Variants in IL1RAPL2 observed in about 807,000 individuals in gnomAD.
The protein encoded by IL1RAPL2 is X-linked interleukin-1 receptor accessory protein-like 2.
Under a neutral mutation model 44.1 loss-of-function variants are expected in IL1RAPL2, and 3 were observed. The ratio of observed to expected loss-of-function variants is 0.07; its 90% confidence interval spans 0.03 to 0.18. IL1RAPL2 has a LOEUF of 0.18. Ranked by LOEUF, IL1RAPL2 falls within the 10% of genes least tolerant of loss-of-function variation. The pLI, the probability that IL1RAPL2 is intolerant of heterozygous loss-of-function variation, is 1.00. For synonymous variants in IL1RAPL2, 181 were observed against 178.8 expected (o/e 1.01, Z -0.10); for missense variants, 391 against 496.4 (o/e 0.79, Z 2.02).
At chrX:104,578,227 AG>A (rs1329988209) in intron 1 of IL1RAPL2, among the ~76,000 whole-genome samples, 1 of 111,883 alleles carries the variant, frequency 8.9e-6, no homozygotes, top group Non-Finnish European at 1.9e-5. Flanking sequence ...CAAAAAGATG[AG>A]GGTGGGCACA....
At chrX:105,261,057 A>G (rs1304398527) in intron 4 of IL1RAPL2, among the ~76,000 whole-genome samples, 2 of 111,896 alleles carry the variant, frequency 1.8e-5, no homozygotes, top group Non-Finnish European at 3.8e-5. Flanking sequence ...GTCTCCTCAC[A>G]TGCTTGAGTG....
At chrX:105,358,943 C>T (rs1602375490) in intron 5 of IL1RAPL2, among the ~76,000 whole-genome samples, 2 of 111,816 alleles carry the variant, frequency 1.8e-5, no homozygotes, top group African/African-American at 6.5e-5. Flanking sequence ...GCAGATCTTA[C>T]AGGGAGATCT....
intron 5 of IL1RAPL2, among the ~76,000 whole-genome samples, chrX:105,319,261 C>G (rs1478643282): frequency 2.7e-5 from 3 of 111,934 alleles, no homozygotes; most frequent in African/African-American, 6.5e-5. Flanking sequence ...TTAGCTTCCT[C>G]TAATGCCACA....
chrX:105,015,335 T>G (rs2031152412), intron 2 of IL1RAPL2, among the ~76,000 whole-genome samples: 1 of 111,550 alleles, frequency 9.0e-6, no homozygotes, highest in African/African-American at 3.3e-5. Flanking sequence ...GTTTGTGAAT[T>G]TTGGCTTTTG....
chrX:105,672,042 A>G (rs1376672027), intron 6 of IL1RAPL2, among the ~76,000 whole-genome samples: 2 of 111,523 alleles, frequency 1.8e-5, no homozygotes, highest in African/African-American at 3.3e-5. Context: ...TTCTATTACT[A>G]TACTGAGGCT....
intron 2 of IL1RAPL2, among the ~76,000 whole-genome samples, chrX:104,991,278 A>G (rs2030657902): frequency 8.9e-6 from 1 of 111,776 alleles, no homozygotes; most frequent in African/African-American, 3.3e-5. Context: ...AAGATTTTAT[A>G]CTGTACATGT....
intron 2 of IL1RAPL2, among the ~76,000 whole-genome samples, chrX:104,941,350 C>T (rs938696552): frequency 9.0e-6 from 1 of 111,383 alleles, no homozygotes; most frequent in African/African-American, 3.3e-5. Context: ...TTCTCCACAT[C>T]CTCTCCAGCA....
chrX:105,563,160 C>T (rs2036951598), intron 6 of IL1RAPL2, among the ~76,000 whole-genome samples: 1 of 111,585 alleles, frequency 9.0e-6, no homozygotes, highest in African/African-American at 3.3e-5. Flanking sequence ...ATGTGCCAGC[C>T]ATGTGAATTA....
intron 2 of IL1RAPL2, among the ~76,000 whole-genome samples, chrX:104,766,073 G>A (rs1300157831): frequency 8.9e-6 from 1 of 112,122 alleles, no homozygotes; most frequent in Admixed American, 9.4e-5. Flanking sequence ...TGTCTGCATT[G>A]GCACAGTCAG....
chrX:105,615,217 G>A (rs955966977), intron 6 of IL1RAPL2, among the ~76,000 whole-genome samples: 1 of 111,399 alleles, frequency 9.0e-6, no homozygotes, highest in African/African-American at 3.3e-5. Context: ...AGGAACTCTC[G>A]TCCACTGTTG....
At chrX:105,051,129 G>A (rs1226193397) in intron 2 of IL1RAPL2, among the ~76,000 whole-genome samples, 2 of 112,443 alleles carry the variant, frequency 1.8e-5, no homozygotes, top group Non-Finnish European at 3.8e-5. Flanking sequence ...CTGAATGTGG[G>A]GACCTACTGG....
chrX:105,391,782 TG>T (rs1442453388), intron 5 of IL1RAPL2, among the ~76,000 whole-genome samples: 5 of 68,761 alleles, frequency 7.3e-5, no homozygotes, highest in East Asian at 4.7e-4. Context: ...TAAGAAAATG[TG>T]GCACATATAC....
intron 2 of IL1RAPL2, among the ~76,000 whole-genome samples, chrX:104,910,945 A>C (rs1924216616): frequency 8.9e-6 from 1 of 112,300 alleles, no homozygotes; most frequent in Non-Finnish European, 1.9e-5. Flanking sequence ...ATTAGGAATG[A>C]AAAGGTAATA....
chrX:105,286,983 G>A (rs751315181), intron 5 of IL1RAPL2, among the ~76,000 whole-genome samples: 19 of 111,948 alleles, frequency 1.7e-4, no homozygotes, highest in South Asian at 7.4e-4. Flanking sequence ...TATGATAAGC[G>A]TTGTGCTAAG....
chrX:105,353,983 G>T (rs2035179530), intron 5 of IL1RAPL2, among the ~76,000 whole-genome samples: 2 of 110,872 alleles, frequency 1.8e-5, no homozygotes, highest in Admixed American at 9.7e-5. Flanking sequence ...AATAGGAGTG[G>T]TGAGAGAGGA....
At chrX:105,090,889 C>A (rs924831322) in intron 2 of IL1RAPL2, among the ~76,000 whole-genome samples, 2 of 111,684 alleles carry the variant, frequency 1.8e-5, no homozygotes, top group African/African-American at 6.5e-5. Context: ...ATGATTCTGG[C>A]TCCCTGAATG....
chrX:105,125,128 AAG>A (rs2032962016), intron 2 of IL1RAPL2, among the ~76,000 whole-genome samples: 1 of 110,837 alleles, frequency 9.0e-6, no homozygotes, highest in African/African-American at 3.3e-5. Context: ...GCACTTAAAA[AAG>A]AGAATACTGT....
intron 5 of IL1RAPL2, among the ~76,000 whole-genome samples, chrX:105,443,559 A>G (rs1274009944): frequency 9.0e-6 from 1 of 111,680 alleles, no homozygotes; most frequent in Admixed American, 9.5e-5. Flanking sequence ...ACGAATTTAA[A>G]TGTTTTGATT....
intron 2 of IL1RAPL2, among the ~76,000 whole-genome samples, chrX:104,674,046 A>G (rs1930683412): frequency 1.8e-5 from 2 of 111,807 alleles, no homozygotes; most frequent in South Asian, 7.6e-4. Context: ...ATCTGCAAAC[A>G]GGGACAATTT....
Sources: gnomAD v4.1 joint callset for allele counts (sites outside exome capture counted in the v4.1 genomes callset) on GRCh38, gnomAD v4.1.1 for gene constraint, MANE v1.5 for transcripts, NCBI Gene and HGNC (gene_info 2026-07-23, HGNC 2026-07-21) for gene names.